UVRAG: variants seen among roughly 807,000 people sequenced by gnomAD.
The protein encoded by UVRAG is UV radiation resistance associated.
UVRAG carries 19 observed loss-of-function variants against 78.0 expected under a neutral mutation model. That is an observed-to-expected ratio of 0.24 (90% CI 0.17 to 0.36). UVRAG has a LOEUF of 0.36. Ranked by LOEUF, UVRAG falls within the 10% of genes least tolerant of loss-of-function variation. UVRAG has a pLI of 1.00. For missense variants in UVRAG, 740 were observed against 853.8 expected (o/e 0.87, Z 1.66); for synonymous variants, 323 against 324.6 (o/e 1.00, Z 0.05).
intron 13 of UVRAG, among the ~76,000 whole-genome samples, chr11:76,068,663 G>C (rs1431477125): frequency 1.3e-5 from 2 of 152,172 alleles, no homozygotes; most frequent in African/African-American, 4.8e-5. Context: ...TGTCTGTTCT[G>C]TCTCTCGCTG....
At position 76,091,563 on chromosome 11, in the gene UVRAG, A is replaced by C. The variant is rs138208612; in HGVS notation, c.1306-24361A>C. Among the ~76,000 whole-genome samples, 586 of 151,352 alleles carry C rather than the reference A, an allele frequency of 3.9e-3. 3 individuals carry two copies. The highest frequency in any genetic ancestry group is 0.013 in the African/African-American group (543 of 41,188). On this transcript the variant is annotated intron_variant, in intron 13 of 14. Transcript: ENST00000356136. The stretch of plus-strand genomic sequence containing the variant: ...TCTTACTTCTTCTCTCCTGTTTTCT[A>C]TCTCTTTGTCTTTTTGTTCTACCTC...
chr11:76,120,875 T>A (rs932022417), intron 14 of UVRAG, among the ~76,000 whole-genome samples: 8 of 152,172 alleles, frequency 5.3e-5, no homozygotes, highest in African/African-American at 1.7e-4. Flanking sequence ...CTGTGCTCCT[T>A]AGGGCAAAGG....
intron 12 of UVRAG, among the ~76,000 whole-genome samples, chr11:76,019,026 C>CT (rs1478079222): frequency 4.6e-5 from 7 of 152,054 alleles, no homozygotes; most frequent in Non-Finnish European, 7.4e-5. Context: ...CTTTTTTATT[C>CT]TTTTTTCTTT....
intron 14 of UVRAG, among the ~76,000 whole-genome samples, chr11:76,133,034 TGAG>T (rs1476132608): frequency 1.3e-5 from 2 of 152,214 alleles, no homozygotes; most frequent in African/African-American, 4.8e-5. Context: ...ATCTGTAAAA[TGAG>T]GATGATGTTT....
intron 6 of UVRAG, among the ~76,000 whole-genome samples, chr11:75,945,668 C>T (rs1948573953): frequency 6.6e-6 from 1 of 152,034 alleles, no homozygotes; most frequent in Admixed American, 6.6e-5. Context: ...CCTAATATAC[C>T]AGGTTTTCAT....
rs376390664 is a variant in UVRAG, at chr11:76,100,875, C to T, written c.1306-15049C>T. On this transcript the variant is annotated intron_variant, in intron 13 of 14. Transcript: ENST00000356136. ...ACATGTGGTATTTGGTTTTCTCATC[C>T]TGCGTTAGTTTGCCAAGGATAATGA... Among the ~76,000 whole-genome samples, 4 of 152,090 alleles carry T rather than the reference C, an allele frequency of 2.6e-5. No individual in the cohort carries two copies. In the East Asian group the frequency reaches 7.7e-4, roughly 29 times the overall value.
intron 7 of UVRAG, among the ~76,000 whole-genome samples, chr11:75,981,163 G>A (rs1306930107): frequency 1.3e-5 from 2 of 151,984 alleles, no homozygotes; most frequent in African/African-American, 2.4e-5. Context: ...CCAGACTGGA[G>A]TGTAGTGGCA....
At chr11:75,880,928 CTTTTTTTT>C (rs773034018) in intron 4 of UVRAG, among the ~76,000 whole-genome samples, 23 of 87,708 alleles carry the variant, frequency 2.6e-4, no homozygotes, top group Non-Finnish European at 3.9e-4. Context: ...TTATTTACTT[CTTTTTTTT>C]TTTTTTTTTT....
intron 4 of UVRAG, among the ~76,000 whole-genome samples, chr11:75,884,240 T>TCTCTCTCTCTCTCTCTCTCTC (rs1555080662): frequency 7.5e-6 from 1 of 132,470 alleles, no homozygotes; most frequent in African/African-American, 3.2e-5. Flanking sequence ...CTCTCTCTCT[T>TCTCTCTCTCTCTCTCTCTCTC]TCTCTCTCTC....
Position 75,912,037 on chromosome 11 carries a change from A to T in UVRAG, c.591A>T (p.Leu197=), listed in dbSNP as rs1383575600. Residue 197 remains leucine (L), a splice_region_variant and synonymous_variant, in exon 6 of 15, where the codon CTA becomes CTT. Coordinates refer to ENST00000356136, the MANE Select transcript of UVRAG (RefSeq NM_003369.4). ...VRNSYDVFSL[L]RLHRAQCAIK... Reference sequence around the variant, plus strand: ...ATTCTTACGATGTCTTCTCTTTGCTACGGTAAGAAACTTCTTAGATTGCCC... The same window carrying T: ...ATTCTTACGATGTCTTCTCTTTGCTTCGGTAAGAAACTTCTTAGATTGCCC... The T allele has an allele frequency of 3.1e-6, 5 of 1,603,556 alleles. No individual in the cohort carries two copies. In the South Asian group the frequency reaches 5.5e-5, roughly 18 times the overall value.
intron 3 of UVRAG, among the ~76,000 whole-genome samples, chr11:75,875,779 G>T (rs2134848879): frequency 6.6e-6 from 1 of 152,136 alleles, no homozygotes; most frequent in South Asian, 2.1e-4. Context: ...TGCTGTTTAG[G>T]GGTATAGCCC....
At chr11:75,995,966 A>G (rs1949698873) in intron 8 of UVRAG, among the ~76,000 whole-genome samples, 1 of 152,188 alleles carries the variant, frequency 6.6e-6, no homozygotes, top group Non-Finnish European at 1.5e-5. Context: ...TATTAGCAAT[A>G]AAAGCCAGAC....
chr11:76,080,870 A>G (rs1951481776), intron 13 of UVRAG, among the ~76,000 whole-genome samples: 1 of 152,234 alleles, frequency 6.6e-6, no homozygotes, highest in South Asian at 2.1e-4. Flanking sequence ...ACAAGTACAG[A>G]CAGACATGGA....
At chr11:75,877,533 G>T (rs1244081486) in intron 3 of UVRAG, among the ~76,000 whole-genome samples, 12 of 146,586 alleles carry the variant, frequency 8.2e-5, no homozygotes, top group African/African-American at 2.8e-4. Context: ...CTCCCTCCCG[G>T]ACGGGGTGGC....
intron 7 of UVRAG, among the ~76,000 whole-genome samples, chr11:75,976,281 G>A (rs1278636138): frequency 6.6e-6 from 1 of 152,196 alleles, no homozygotes; most frequent in East Asian, 1.9e-4. Flanking sequence ...GTGTTTTACT[G>A]AGGATTTTTA....
At chr11:75,913,888 A>G (rs1274658776) in intron 6 of UVRAG, among the ~76,000 whole-genome samples, 1 of 152,226 alleles carries the variant, frequency 6.6e-6, no homozygotes, top group Non-Finnish European at 1.5e-5. Flanking sequence ...TTGATCTTGC[A>G]ATGATTTGGC....
At chr11:76,082,418 T>C (rs1951512373) in intron 13 of UVRAG, among the ~76,000 whole-genome samples, 1 of 150,588 alleles carries the variant, frequency 6.6e-6, no homozygotes, top group African/African-American at 2.4e-5. Context: ...CGGGCGCCTG[T>C]AATCCCAGCT....
chr11:75,875,607 G>A (rs976109589), intron 3 of UVRAG, among the ~76,000 whole-genome samples: 3 of 137,914 alleles, frequency 2.2e-5, no homozygotes, highest in African/African-American at 8.1e-5. Context: ...TGTCATCCAT[G>A]TTTTTAAACC....
At chr11:76,062,959 A>G (rs929590799) in intron 12 of UVRAG, among the ~76,000 whole-genome samples, 1 of 152,202 alleles carries the variant, frequency 6.6e-6, no homozygotes, top group Non-Finnish European at 1.5e-5. Flanking sequence ...AGTTATCACT[A>G]TCACGTTCCC....
Sources: gnomAD v4.1 joint callset for allele counts (sites outside exome capture counted in the v4.1 genomes callset) on GRCh38, gnomAD v4.1.1 for gene constraint, MANE v1.5 for transcripts, NCBI Gene and HGNC (gene_info 2026-07-23, HGNC 2026-07-21) for gene names.